HUWE1: variants seen among roughly 807,000 people sequenced by gnomAD.
HUWE1 encodes E3 ubiquitin-protein ligase HUWE1.
A neutral mutation model predicts 299.4 loss-of-function variants in HUWE1; 18 were observed. The observed-to-expected ratio is 0.06, with a 90% CI of 0.04 to 0.09. HUWE1 has a LOEUF of 0.09. Among genes scored for constraint, HUWE1 ranks in the 10% least tolerant of loss-of-function variants. The pLI, the probability that HUWE1 is intolerant of heterozygous loss-of-function variation, is 1.00. For missense variants in HUWE1, 1,832 were observed against 3,462.3 expected, an observed-to-expected ratio of 0.53 and a Z score of 11.82; for synonymous variants, 1,317 against 1,286.1, an observed-to-expected ratio of 1.02 and a Z score of -0.51.
Position 53,602,646 on chromosome X carries a change from C to A in HUWE1, c.2889G>T (p.Gly963=), listed in dbSNP as rs1603025510. Residue 963 remains glycine (G), a synonymous_variant, in exon 28 of 84, where the codon GGG becomes GGT. Coordinates refer to ENST00000262854, the MANE Select transcript of HUWE1 (RefSeq NM_031407.7). ...SLCTPNSLPS[G]CEFGQADMQK... is the part of the protein sequence containing the mutation. ...GCATATCTGCCTGGCCAAATTCACACCCAGATGGTAGGCTGCAAAAAGAGA... is the reference window on the plus strand; with the variant it reads ...GCATATCTGCCTGGCCAAATTCACAACCAGATGGTAGGCTGCAAAAAGAGA... 8.7e-7 allele frequency: 1 copy of A among 1,149,157 alleles called. No homozygotes were observed. The highest frequency in any genetic ancestry group is 1.2e-6 in the Non-Finnish European group (1 of 840,216). 94.7% of individuals were successfully genotyped at this position (1,149,157 alleles called of 1,213,427 possible).
At chrX:53,685,559 C>G (rs782291550) in intron 2 of HUWE1, among the ~76,000 whole-genome samples, 4 of 112,084 alleles carry the variant, frequency 3.6e-5, no homozygotes, top group Non-Finnish European at 7.5e-5. Context: ...TGCCTATTTA[C>G]AAACAAAAAT....
intron 74 of HUWE1, among the ~76,000 whole-genome samples, chrX:53,540,753 T>C (rs1289305918): frequency 2.7e-5 from 3 of 111,803 alleles, no homozygotes; most frequent in Non-Finnish European, 5.6e-5. Context: ...TATTCTAACC[T>C]CTGCTCAGTA....
intron 2 of HUWE1, chrX:53,684,151 CG>C (rs1187781176): frequency 3.6e-5 from 9 of 252,390 alleles, no homozygotes; most frequent in Admixed American, 2.0e-4. Context: ...CACAACCTAA[CG>C]AAGCAGTGAG....
At chrX:53,640,097 G>A (rs1259088290) in intron 7 of HUWE1, among the ~76,000 whole-genome samples, 2 of 113,047 alleles carry the variant, frequency 1.8e-5, no homozygotes, top group Non-Finnish European at 3.7e-5. Context: ...AGTGGCTCAC[G>A]CCTGTAATCC....
chrX:53,597,352 C>T (rs1310142589), intron 29 of HUWE1, among the ~76,000 whole-genome samples: 1 of 106,171 alleles, frequency 9.4e-6, no homozygotes, highest in East Asian at 2.9e-4. Flanking sequence ...AAAAAGGCCA[C>T]AAAGGACGTT....
chrX:53,642,956 G>C (rs1557032373), intron 7 of HUWE1, among the ~76,000 whole-genome samples: 1 of 112,180 alleles, frequency 8.9e-6, no homozygotes, highest in East Asian at 2.8e-4. Flanking sequence ...CCAGCTGCTT[G>C]CTATTACACC....
chrX:53,622,541 C>T (rs1181491387), intron 19 of HUWE1, among the ~76,000 whole-genome samples: 3 of 111,347 alleles, frequency 2.7e-5, no homozygotes, highest in African/African-American at 9.8e-5. Flanking sequence ...GTAACACAGA[C>T]TCAACTCATA....
rs1444099442 is a variant in HUWE1, at chrX:53,535,149, G to A, written c.12649+235C>T. On this transcript the variant is annotated intron_variant, in intron 81 of 83. Coordinates refer to ENST00000262854, the MANE Select transcript of HUWE1 (RefSeq NM_031407.7). The stretch of plus-strand genomic sequence containing the variant: ...GGGGTTTCACCATGTTGGCCAGGCT[G>A]GTCTCAAACTCCTCACCTCAACTGA... Among the ~76,000 whole-genome samples, 11 of 110,516 alleles carry A rather than the reference G, an allele frequency of 1.0e-4. No individual in the cohort carries two copies. The East Asian group carries it at 2.0e-3, about 20-fold the overall frequency.
Position 53,537,748 on chromosome X carries a change from T to C in HUWE1, c.11997-52A>G, listed in dbSNP as rs374799134. The C allele has an allele frequency of 8.1e-5, 93 of 1,146,167 alleles. No homozygotes were observed. In the African/African-American group the frequency reaches 1.6e-3, roughly 20 times the overall value. 94.5% of individuals were successfully genotyped at this position (1,146,167 alleles called of 1,213,427 possible). A position where few individuals can be genotyped will look rare whatever the true frequency, so the allele number is the denominator to read the frequency against. On this transcript the variant is annotated intron_variant, in intron 77 of 83. Coordinates refer to ENST00000262854, the MANE Select transcript of HUWE1 (RefSeq NM_031407.7). The stretch of plus-strand genomic sequence containing the variant: ...TAGGATTAAGGGTGGCAGAACAAAT[T>C]TGTTTGTGTGATTAGGAAGAAGACC...
chrX:53,664,118 T>G lies in HUWE1; in HGVS notation c.-24-9987A>C, dbSNP rs1201283053. On this transcript the variant is annotated intron_variant, in intron 3 of 83. Coordinates refer to ENST00000262854, the MANE Select transcript of HUWE1 (RefSeq NM_031407.7). ...TAGGCTGGAGTGCAGCGGCATGATC[T>G]TGGCTCACTGCAGCCTCAACCTCCC... Among the ~76,000 whole-genome samples the G allele has an allele frequency of 9.0e-5, 10 of 111,321 alleles. No individual in the cohort carries two copies. The Admixed American group carries it at 9.5e-4, about 11-fold the overall frequency.
intron 3 of HUWE1, among the ~76,000 whole-genome samples, chrX:53,676,282 T>G: frequency 7.1e-4 from 1 of 1,418 alleles, no homozygotes; most frequent in Non-Finnish European, 0.017. Flanking sequence ...ATGAATAAGG[T>G]ATTTCCCCCC....
At chrX:53,561,535 C>G (rs191140852) in intron 55 of HUWE1, among the ~76,000 whole-genome samples, 1 of 111,994 alleles carries the variant, frequency 8.9e-6, no homozygotes, top group Non-Finnish European at 1.9e-5. Context: ...AAATGGCTGC[C>G]TATTTACTGA....
chrX:53,537,390 A>G (rs2061113734), intron 78 of HUWE1, 166 bp downstream of exon 78: 1 of 554,775 alleles, frequency 1.8e-6, no homozygotes, highest in Non-Finnish European at 3.0e-6. Flanking sequence ...GCAGGCCCAG[A>G]AGATAGGAGA....
At chrX:53,602,444 G>A in intron 28 of HUWE1, 120 bp downstream of exon 28, 1 of 441,128 alleles carries the variant, frequency 2.3e-6, no homozygotes, top group Non-Finnish European at 4.0e-6. Context: ...AAAAATTAGT[G>A]AGAGGATGAA....
At position 53,564,536 on chromosome X, in the gene HUWE1, G is replaced by A. The variant is rs371642678; in HGVS notation, c.7029+38C>T. ...CCACCTGGCAAGGGTTTGGTTCAGC[G>A]CCGCAACAGGGAAATGCTGGGTGAT... On this transcript the variant is annotated intron_variant, in intron 51 of 83. Coordinates refer to ENST00000262854, the MANE Select transcript of HUWE1 (RefSeq NM_031407.7). 29 of 1,201,666 alleles carry A rather than the reference G, an allele frequency of 2.4e-5. No individual in the cohort carries two copies. In the African/African-American group the frequency reaches 3.5e-4, roughly 15 times the overall value.
intron 74 of HUWE1, among the ~76,000 whole-genome samples, chrX:53,542,016 C>A (rs1468177239): frequency 9.0e-6 from 1 of 111,156 alleles, no homozygotes; most frequent in African/African-American, 3.3e-5. Context: ...CTCGTCTCTA[C>A]TAAAAAAAAT....
intron 60 of HUWE1, chrX:53,556,434 T>C (rs1207247103): frequency 1.9e-5 from 6 of 316,421 alleles, no homozygotes; most frequent in Non-Finnish European, 3.7e-5. Context: ...GCATCTACCC[T>C]ACTTCACTGC....
In HUWE1 at chrX:53,558,736, G is replaced by A; in HGVS notation, c.8079C>T (p.Arg2693=). The A allele has an allele frequency of 8.3e-7, 1 of 1,210,107 alleles. No homozygotes were observed. The highest frequency in any genetic ancestry group is 1.1e-6 in the Non-Finnish European group (1 of 894,113). ...DEELEERREK[R]RKQLAEEETK... ...TTTCTTCCTCAGCCAGTTGTTTCCT[G>A]CGCTTCTCTCGCCTTTCTTCCAGCT... The change falls in exon 59 of 84, where the codon CGC becomes CGT. Residue 2693 remains arginine (R), a synonymous_variant. Transcript: ENST00000262854.
intron 43 of HUWE1, among the ~76,000 whole-genome samples, chrX:53,577,749 C>A: frequency 8.7e-6 from 1 of 114,707 alleles, no homozygotes; most frequent in Non-Finnish European, 1.9e-5. Context: ...GTCTCCAGCT[C>A]CTAACCGCGA....
Sources: gnomAD v4.1 joint callset for allele counts (sites outside exome capture counted in the v4.1 genomes callset) on GRCh38, gnomAD v4.1.1 for gene constraint, MANE v1.5 for transcripts, NCBI Gene and HGNC (gene_info 2026-07-23, HGNC 2026-07-21) for gene names.